MAP2K7: variants seen among roughly 807,000 people sequenced by gnomAD.
The protein encoded by MAP2K7 is mitogen-activated protein kinase kinase 7, also known as dual specificity mitogen-activated protein kinase kinase 7.
Under a neutral mutation model 47.7 loss-of-function variants are expected in MAP2K7, and 12 were observed. The ratio of observed to expected loss-of-function variants is 0.25; its 90% confidence interval spans 0.16 to 0.41. The LOEUF (loss-of-function observed/expected upper bound fraction) is 0.41, where lower values mean the gene tolerates loss of function less well. Among genes scored for constraint, MAP2K7 ranks in the 10% least tolerant of loss-of-function variants. The pLI is 1.00. For synonymous variants in MAP2K7, 299 were observed against 243.0 expected, an observed-to-expected ratio of 1.23 and a Z score of -2.14; for missense variants, 415 against 600.3, an observed-to-expected ratio of 0.69 and a Z score of 3.23.
chr19:7,904,960 C>T (rs1035612401), intron 1 of MAP2K7, among the ~76,000 whole-genome samples: 24 of 151,718 alleles, frequency 1.6e-4, no homozygotes, highest in African/African-American at 5.3e-4. Flanking sequence ...CTGATCAGTC[C>T]CACCACCTCG....
In MAP2K7 at chr19:7,903,910, C is replaced by T. The variant is rs1206432058; in HGVS notation, c.-35C>T. 2 of 1,460,792 alleles carry T rather than the reference C, an allele frequency of 1.4e-6. No individual in the cohort carries two copies. Among genetic ancestry groups the T allele is most frequent in the South Asian group, 1.3e-5 (1 of 77,464 alleles). The allele number at this position is 1,460,792 out of a possible 1,614,324, so 90.5% of individuals were successfully genotyped here. A position where few individuals can be genotyped will look rare whatever the true frequency, so the allele number is the denominator to read the frequency against. ...GTTTGTCTGCCGGACTGACGGGCGG[C>T]CGGGCGGTGCGCGGCGGCGGTGGCG... On this transcript the variant is annotated 5_prime_UTR_variant, in exon 1 of 11. Transcript: ENST00000397979.
At chr19:7,910,601 C>T (rs200708837) in intron 5 of MAP2K7, 29 bp downstream of exon 5, 2 of 1,612,672 alleles carry the variant, frequency 1.2e-6, no homozygotes, top group South Asian at 1.1e-5. Flanking sequence ...CCTGCAGCGT[C>T]TCCTCCTCCC....
chr19:7,908,703 G>A (rs963768763), intron 1 of MAP2K7, among the ~76,000 whole-genome samples: 15 of 152,078 alleles, frequency 9.9e-5, no homozygotes, highest in African/African-American at 3.6e-4. Context: ...GATGTGACGT[G>A]TCAGGATTGG....
In MAP2K7 at chr19:7,910,342, T is replaced by A. The variant is rs2145139321; in HGVS notation, c.416T>A (p.Phe139Tyr). The A allele has an allele frequency of 6.2e-7, 1 of 1,613,154 alleles. No homozygotes were observed. The highest frequency in any genetic ancestry group is 2.2e-5 in the East Asian group (1 of 44,864). ...GTCGQVWKMR[F>Y]RKTGHVIAVK... ...TGCGGCCAGGTGTGGAAGATGCGCTTCCGGAAGACCGGCCACGTCATTGCC... is the reference window on the plus strand; with the variant it reads ...TGCGGCCAGGTGTGGAAGATGCGCTACCGGAAGACCGGCCACGTCATTGCC... Residue 139 changes from phenylalanine to tyrosine, a missense_variant, in exon 4 of 11, where the codon TTC becomes TAC. Phe to Tyr is a conservative substitution (Grantham distance 22, BLOSUM62 3). Coordinates refer to ENST00000397979, the MANE Select transcript of MAP2K7 (RefSeq NM_145185.4).
chr19:7,909,137 C>T (rs1982649837), intron 1 of MAP2K7, among the ~76,000 whole-genome samples: 2 of 152,248 alleles, frequency 1.3e-5, no homozygotes, highest in Admixed American at 6.5e-5. Context: ...CCCATGGGCC[C>T]CAGCTCTGCA....
At chr19:7,909,683 G>A (rs1018870085) in intron 1 of MAP2K7, 72 bp from the exon 2 acceptor site, 32 of 896,836 alleles carry the variant, frequency 3.6e-5, no homozygotes, top group Non-Finnish European at 5.3e-5. Flanking sequence ...CCCCTCCCTG[G>A]AGTGCCAGAT....
At chr19:7,908,200 C>T (rs1982586900) in intron 1 of MAP2K7, among the ~76,000 whole-genome samples, 1 of 150,904 alleles carries the variant, frequency 6.6e-6, no homozygotes, top group African/African-American at 2.4e-5. Context: ...TGACGTGGTG[C>T]TGCAGAGGCG....
rs746211610 is a variant in MAP2K7, at chr19:7,904,067, C to A, written c.123C>A (p.Pro41=). Residue 41 remains proline, a splice_region_variant and synonymous_variant, in exon 1 of 11, where the codon CCC becomes CCA. Coordinates refer to ENST00000397979, the MANE Select transcript of MAP2K7 (RefSeq NM_145185.4). ...NLDISPQRPR[P]TLQLPLANDG... The stretch of plus-strand genomic sequence containing the variant: ...ATATCAGCCCCCAGCGGCCCAGGCC[C>A]AGTAAGCACGGCGGCGTGGGGGAGG... 3 of 1,234,656 alleles carry A rather than the reference C, an allele frequency of 2.4e-6. No individual in the cohort carries two copies. The highest frequency in any genetic ancestry group is 5.8e-5 in the Admixed American group (2 of 34,782). The allele number at this position is 1,234,656 out of a possible 1,614,324, so 76.5% of individuals were successfully genotyped here.
rs1195341922 is a variant in MAP2K7, at chr19:7,909,852, G to T, written c.222G>T (p.Met74Ile). The change falls in exon 2 of 11, where the codon ATG becomes ATT. Residue 74 changes from methionine (M) to isoleucine (I), a missense_variant. Transcript: ENST00000397979. Reference protein sequence around the residue: ...HPTPPARPRHMLGLPSTLFTP... With the variant: ...HPTPPARPRHILGLPSTLFTP... ...CGCCCCCCGCCCGGCCCCGCCACAT[G>T]CTGGGGCTCCCGTCAACCCTGTTCA... is the stretch of plus-strand genomic sequence containing the variant. 6.5e-7 allele frequency: 1 copy of T among 1,539,794 alleles called. No individual in the cohort carries two copies. Among genetic ancestry groups the T allele is most frequent in the African/African-American group, 1.4e-5 (1 of 72,900 alleles).
intron 1 of MAP2K7, among the ~76,000 whole-genome samples, chr19:7,907,845 G>C (rs531738822): frequency 6.6e-6 from 1 of 152,064 alleles, no homozygotes; most frequent in East Asian, 1.9e-4. Flanking sequence ...GAGATGCCAG[G>C]TGCACAGGGG....
chr19:7,912,317 C>G lies in MAP2K7; in HGVS notation c.1146C>G (p.Arg382=). ...NKLLEHSFIK[R]YETLEVDVAS... ...CACAGGAACACAGCTTCATCAAGCG[C>G]TACGAGACGCTGGAGGTGGACGTGG... The change falls in exon 11 of 11, where the codon CGC becomes CGG. Residue 382 remains arginine, a synonymous_variant. Coordinates refer to ENST00000397979, the MANE Select transcript of MAP2K7 (RefSeq NM_145185.4). 1 of 1,613,740 alleles carries G rather than the reference C, an allele frequency of 6.2e-7. No individual in the cohort carries two copies. The highest frequency in any genetic ancestry group is 8.5e-7 in the Non-Finnish European group (1 of 1,180,000).
chr19:7,912,121 A>ACATCTGT (rs765189944), intron 9 of MAP2K7, 28 bp from the exon 10 acceptor site: 1 of 1,611,578 alleles, frequency 6.2e-7, no homozygotes, highest in Non-Finnish European at 8.5e-7. Context: ...CCTCGTTCTC[A>ACATCTGT]CATCTGTCTT....
chr19:7,904,943 C>G (rs10410335), intron 1 of MAP2K7, among the ~76,000 whole-genome samples: 1 of 151,870 alleles, frequency 6.6e-6, no homozygotes, highest in African/African-American at 2.4e-5. Context: ...ATACATCCAC[C>G]TGCTTTCTGA....
chr19:7,904,942 C>T (rs561585170), intron 1 of MAP2K7, among the ~76,000 whole-genome samples: 1 of 151,888 alleles, frequency 6.6e-6, no homozygotes, highest in Non-Finnish European at 1.5e-5. Context: ...CATACATCCA[C>T]CTGCTTTCTG....
intron 1 of MAP2K7, 40 bp downstream of exon 1, chr19:7,904,108 G>GGC: frequency 5.8e-6 from 1 of 172,952 alleles, no homozygotes; most frequent in African/African-American, 2.5e-5. Context: ...GGCGGGCGGG[G>GGC]CGGGGCGCGC....
At chr19:7,912,126 T>C in intron 9 of MAP2K7, 23 bp from the exon 10 acceptor site, 1 of 1,612,964 alleles carries the variant, frequency 6.2e-7, no homozygotes, top group Non-Finnish European at 8.5e-7. Flanking sequence ...TTCTCACATC[T>C]GTCTTCCCTT....
intron 1 of MAP2K7, among the ~76,000 whole-genome samples, chr19:7,905,345 T>A (rs1884868647): frequency 1.3e-5 from 2 of 152,050 alleles, no homozygotes; most frequent in Admixed American, 6.5e-5. Context: ...TCCCTCCCTC[T>A]CCTGACCTGA....
At position 7,911,093 on chromosome 19, in the gene MAP2K7, C is replaced by T. The variant is rs1982822101; in HGVS notation, c.789C>T (p.Gly263=). The T allele has an allele frequency of 1.2e-6, 2 of 1,612,414 alleles. No individual in the cohort carries two copies. Among genetic ancestry groups the T allele is most frequent in the South Asian group, 2.2e-5 (2 of 91,088 alleles). Residue 263 remains glycine (G), a synonymous_variant, in exon 7 of 11, where the codon GGC becomes GGT. Transcript: ENST00000397979. ...GCCAGATCAAGCTCTGCGACTTCGG[C>T]ATCAGCGGCCGCCTGGTGGACTCCA... The part of the protein sequence containing the change: ...ERGQIKLCDF[G]ISGRLVDSKA...
Position 7,912,155 on chromosome 19 carries a change from T to G in MAP2K7, c.1086T>G (p.Thr362=). Residue 362 remains threonine, a synonymous_variant, in exon 10 of 11, where the codon ACT becomes ACG. Transcript: ENST00000397979. ...TTCCCTTCTCTTGCTCTAGCCTTAC[T>G]AAAGATCACAGGAAGAGACCAAAGT... ...DFQSFVKDCL[T]KDHRKRPKYN... 1 of 1,613,954 alleles carries G rather than the reference T, an allele frequency of 6.2e-7. No individual in the cohort carries two copies. The highest frequency in any genetic ancestry group is 8.5e-7 in the Non-Finnish European group (1 of 1,179,894).
Sources: allele counts gnomAD v4.1 joint callset (sites outside exome capture counted in the v4.1 genomes callset), GRCh38; gene constraint gnomAD v4.1.1; transcripts MANE v1.5; gene names NCBI Gene and HGNC (gene_info 2026-07-23, HGNC 2026-07-21).